Variants in BLTP1 observed in about 807,000 individuals in gnomAD.
BLTP1 encodes fragile site-associated protein.
the BLTP1 span, chr4:122,335,999 T>C: frequency 2.3e-6 from 1 of 443,740 alleles, no homozygotes; most frequent in East Asian, 3.5e-5. Context: ...AATAACCAAC[T>C]TATTATATGT....
At chr4:122,154,024 G>A in the BLTP1 span, 32 of 984,864 alleles carry the variant, frequency 3.2e-5, no homozygotes, top group Non-Finnish European at 3.9e-5. Context: ...ATACTTTTCA[G>A]GTTTGTTAAG....
At chr4:122,327,130 T>TG in the BLTP1 span, among the ~76,000 whole-genome samples, 1 of 151,536 alleles carries the variant, frequency 6.6e-6, no homozygotes, top group Non-Finnish European at 1.5e-5. Flanking sequence ...TGTTTTGTTT[T>TG]GTTTGACCTA....
chr4:122,204,158 A>G, the BLTP1 span, among the ~76,000 whole-genome samples: 1 of 151,900 alleles, frequency 6.6e-6, no homozygotes, highest in Non-Finnish European at 1.5e-5. Flanking sequence ...TGTGTACTAG[A>G]CATAGACAAA....
chr4:122,239,681 G>A, the BLTP1 span: 11 of 1,614,002 alleles, frequency 6.8e-6, no homozygotes, highest in African/African-American at 6.7e-5. Context: ...GGGACAAGCA[G>A]CCTGTAACAG....
the BLTP1 span, chr4:122,274,732 A>G: frequency 2.0e-6 from 1 of 489,930 alleles, no homozygotes; most frequent in Non-Finnish European, 2.7e-6. Context: ...CTCTTTCTTA[A>G]TATTATGACT....
At chr4:122,276,115 TTTAG>T in the BLTP1 span, 2 of 1,092,970 alleles carry the variant, frequency 1.8e-6, no homozygotes, top group Non-Finnish European at 2.5e-6. Context: ...CTGTGAATTA[TTTAG>T]TTATTGTTTT....
chr4:122,347,700 A>C, the BLTP1 span: 9 of 1,613,756 alleles, frequency 5.6e-6, no homozygotes, highest in Non-Finnish European at 7.6e-6. Context: ...CCATGTCACC[A>C]GGGACAGTAG....
chr4:122,155,370 C>A, the BLTP1 span, among the ~76,000 whole-genome samples: 5 of 150,388 alleles, frequency 3.3e-5, no homozygotes, highest in African/African-American at 1.2e-4. Flanking sequence ...GCCTCCCAGG[C>A]TGGAGTGCAG....
chr4:122,160,789 T>C, the BLTP1 span, among the ~76,000 whole-genome samples: 1 of 152,210 alleles, frequency 6.6e-6, no homozygotes, highest in Non-Finnish European at 1.5e-5. Context: ...TCTTTTGTTT[T>C]GGTATTTACT....
the BLTP1 span, chr4:122,229,994 G>A: frequency 6.2e-7 from 1 of 1,614,108 alleles, no homozygotes; most frequent in Non-Finnish European, 8.5e-7. Flanking sequence ...AGGAATCAGT[G>A]CTGCAATTCA....
chr4:122,349,793 G>A, the BLTP1 span: 2 of 1,574,962 alleles, frequency 1.3e-6, no homozygotes, highest in Admixed American at 1.9e-5. The surrounding 1 kb of genome is among the most constrained non-coding windows in gnomAD (Gnocchi z 4.5). Flanking sequence ...GGAAGAAAAT[G>A]TTTCTTGTAC....
At chr4:122,360,698 A>AAAAC in the BLTP1 span, among the ~76,000 whole-genome samples, 1 of 152,242 alleles carries the variant, frequency 6.6e-6, no homozygotes, top group African/African-American at 2.4e-5. Flanking sequence ...CTAAATAAGC[A>AAAAC]AAACACTTTG....
the BLTP1 span, chr4:122,184,694 A>G: frequency 1.0e-6 from 1 of 985,278 alleles, no homozygotes; most frequent in East Asian, 1.1e-4. Flanking sequence ...AAAAAAAGGT[A>G]AAAATGCTGG....
At chr4:122,360,488 T>A in the BLTP1 span, among the ~76,000 whole-genome samples, 3 of 152,162 alleles carry the variant, frequency 2.0e-5, no homozygotes, top group Non-Finnish European at 4.4e-5. Flanking sequence ...ACACTATTTT[T>A]AAAAATCCAT....
the BLTP1 span, chr4:122,180,179 C>G: frequency 3.8e-4 from 378 of 985,106 alleles, 1 homozygote; most frequent in African/African-American, 6.2e-3. Flanking sequence ...GATGTGATCC[C>G]TGTAACGTCA....
chr4:122,162,403 A>G, the BLTP1 span: 2 of 349,506 alleles, frequency 5.7e-6, no homozygotes, highest in Non-Finnish European at 8.0e-6. Flanking sequence ...TATTTGTTTC[A>G]GAGGAGCCAT....
At chr4:122,178,136 G>A in the BLTP1 span, 1 of 847,990 alleles carries the variant, frequency 1.2e-6, no homozygotes, top group African/African-American at 1.8e-5. Context: ...ACATGTGGAG[G>A]CATAATAAAC....
the BLTP1 span, chr4:122,249,482 TAG>T: frequency 6.2e-7 from 1 of 1,611,482 alleles, no homozygotes; most frequent in Non-Finnish European, 8.5e-7. Context: ...CTTTTGATAA[TAG>T]ACATTGGGAC....
At chr4:122,264,403 T>G in the BLTP1 span, 5 of 1,609,016 alleles carry the variant, frequency 3.1e-6, no homozygotes, top group Non-Finnish European at 4.2e-6. Flanking sequence ...AAGGGTTTCC[T>G]GCTGTTCAGC....
Sources: allele counts gnomAD v4.1 joint callset (sites outside exome capture counted in the v4.1 genomes callset), GRCh38; gene constraint gnomAD v4.1.1; non-coding constraint Gnocchi (gnomAD v3.1); transcripts MANE v1.5; gene names NCBI Gene and HGNC (gene_info 2026-07-23, HGNC 2026-07-21).